Variants in SORCS2 observed in about 807,000 individuals in gnomAD.
The protein encoded by SORCS2 is VPS10 domain-containing receptor SorCS2.
A neutral mutation model predicts 141.6 loss-of-function variants in SORCS2; 100 were observed. That is an observed-to-expected ratio of 0.71 (90% CI 0.60 to 0.83). The LOEUF (loss-of-function observed/expected upper bound fraction) is 0.83, where lower values mean the gene tolerates loss of function less well. Among genes scored for constraint, SORCS2 ranks in the 40% least tolerant of loss-of-function variants. The probability of loss-of-function intolerance (pLI) is 0.00; values close to 1 mark genes in which losing one functional copy is unlikely to be tolerated. For missense variants in SORCS2, 1,646 were observed against 1,560.2 expected, an observed-to-expected ratio of 1.05 and a Z score of -0.93; for synonymous variants, 789 against 676.9, an observed-to-expected ratio of 1.17 and a Z score of -2.57.
intron 3 of SORCS2, among the ~76,000 whole-genome samples, chr4:7,543,499 C>A (rs1712875061): frequency 6.8e-6 from 1 of 147,408 alleles, no homozygotes; most frequent in African/African-American, 2.5e-5. Flanking sequence ...ATCCATCCAT[C>A]CATCCATCCA....
chr4:7,715,360 G>A (rs773905432), intron 17 of SORCS2, 49 bp downstream of exon 17: 3 of 1,603,416 alleles, frequency 1.9e-6, no homozygotes, highest in Non-Finnish European at 2.6e-6. Flanking sequence ...GGGCAGAGCT[G>A]TGGTGCAGCC....
rs527267458 is a variant in SORCS2 at position 7,262,437 on chromosome 4, C to T, written c.480+69311C>T. On this transcript the variant is annotated intron_variant, in intron 1 of 26. Transcript: ENST00000507866. The stretch of plus-strand genomic sequence containing the variant: ...ATCCATCCATCCATCCATCCATGGC[C>T]TATTCCTGTAGGCCACTGCTTAAGC... 1.7e-3 allele frequency among the ~76,000 whole-genome samples: 251 copies of T among 148,606 alleles called. 1 individual carries two copies. The highest frequency in any genetic ancestry group is 6.1e-3 in the African/African-American group (240 of 39,446).
At chr4:7,316,892 T>A (rs2108934838) in intron 1 of SORCS2, among the ~76,000 whole-genome samples, 1 of 151,858 alleles carries the variant, frequency 6.6e-6, no homozygotes, top group African/African-American at 2.4e-5. Context: ...AGCTCCTGAG[T>A]TTTTGAGTGA....
At chr4:7,377,725 A>G (rs1722749296) in intron 1 of SORCS2, among the ~76,000 whole-genome samples, 1 of 152,180 alleles carries the variant, frequency 6.6e-6, no homozygotes, top group Admixed American at 6.5e-5. Context: ...ATTTAGCTCA[A>G]TCAGCTCAGG....
intron 3 of SORCS2, among the ~76,000 whole-genome samples, chr4:7,629,760 C>T (rs1468919382): frequency 2.0e-5 from 3 of 152,046 alleles, no homozygotes; most frequent in East Asian, 1.9e-4. Context: ...TATATCAAAC[C>T]CCACCCTCCC....
At chr4:7,318,014 T>C (rs1483644792) in intron 1 of SORCS2, among the ~76,000 whole-genome samples, 1 of 152,190 alleles carries the variant, frequency 6.6e-6, no homozygotes, top group Non-Finnish European at 1.5e-5. Context: ...TTCATACAAC[T>C]GTCCAGCCTG....
At chr4:7,704,370 C>T (rs1217874980) in intron 14 of SORCS2, 86 bp downstream of exon 14, 26 of 1,212,556 alleles carry the variant, frequency 2.1e-5, no homozygotes, top group Non-Finnish European at 2.4e-5. Context: ...CTTCACCCCC[C>T]AGCCACCTGG....
chr4:7,698,235 C>T (rs1724834805), intron 12 of SORCS2, among the ~76,000 whole-genome samples: 1 of 152,184 alleles, frequency 6.6e-6, no homozygotes, highest in Non-Finnish European at 1.5e-5. Context: ...ATCAAACTTA[C>T]ATATGGCTAT....
At chr4:7,548,502 G>A (rs995221241) in intron 3 of SORCS2, among the ~76,000 whole-genome samples, 1 of 152,200 alleles carries the variant, frequency 6.6e-6, no homozygotes, top group African/African-American at 2.4e-5. Context: ...TGTCAGGGGG[G>A]TTGGTGGCAT....
chr4:7,477,359 GGGCTGACCGT>G (rs551040491), intron 2 of SORCS2, among the ~76,000 whole-genome samples: 116,292 of 137,886 alleles, frequency 0.84, 49,698 homozygotes, highest in South Asian at 0.95. Context: ...CAGCTGACTG[GGGCTGACCGT>G]GGCTGACCGT....
At chr4:7,194,161 G>C (rs567964901) in intron 1 of SORCS2, among the ~76,000 whole-genome samples, 151 of 152,226 alleles carry the variant, frequency 9.9e-4, no homozygotes, top group African/African-American at 3.5e-3. Context: ...CATTTGTATG[G>C]GGAGGGGAGA....
At position 7,683,107 on chromosome 4, in the gene SORCS2, C is replaced by A. The variant is rs544079902; in HGVS notation, c.1488+218C>A. Among the ~76,000 whole-genome samples the A allele has an allele frequency of 5.3e-5, 8 of 152,346 alleles. 1 individual carries two copies. The South Asian group carries it at 1.7e-3, about 32-fold the overall frequency. ...GAGAGGGAAGTATATCAGTTTTTGA[C>A]ACAGAATTGCTGTGCAATAAACCAC... On this transcript the variant is annotated intron_variant, in intron 10 of 26. Coordinates refer to ENST00000507866, the MANE Select transcript of SORCS2 (RefSeq NM_020777.3).
chr4:7,390,687 A>G (rs926151202), intron 1 of SORCS2, among the ~76,000 whole-genome samples: 7 of 152,182 alleles, frequency 4.6e-5, no homozygotes, highest in Non-Finnish European at 1.0e-4. Flanking sequence ...CTTCCCTTGG[A>G]TGGTGAATGG....
chr4:7,644,005 A>G (rs1189546231), intron 4 of SORCS2, among the ~76,000 whole-genome samples: 3 of 152,216 alleles, frequency 2.0e-5, no homozygotes, highest in Non-Finnish European at 4.4e-5. Context: ...AAGAATTTTC[A>G]TCTGCTGGGG....
chr4:7,560,893 C>A (rs1413486306), intron 3 of SORCS2, among the ~76,000 whole-genome samples: 1 of 152,118 alleles, frequency 6.6e-6, no homozygotes, highest in Non-Finnish European at 1.5e-5. Context: ...GCAAATGTAG[C>A]CTTGGGAGGT....
intron 2 of SORCS2, among the ~76,000 whole-genome samples, chr4:7,402,805 A>C (rs1028844415): frequency 6.6e-6 from 1 of 151,546 alleles, no homozygotes; most frequent in Non-Finnish European, 1.5e-5. Flanking sequence ...TCTCCCTCAT[A>C]CCTGGTAAGA....
intron 1 of SORCS2, among the ~76,000 whole-genome samples, chr4:7,369,471 C>G (rs1312135753): frequency 1.3e-5 from 2 of 152,208 alleles, no homozygotes; most frequent in African/African-American, 4.8e-5. Context: ...TGCAGCAGCC[C>G]CATTGCATGG....
At chr4:7,270,129 CCTTGGCCTCCCAA>C (rs1452122653) in intron 1 of SORCS2, among the ~76,000 whole-genome samples, 1 of 152,254 alleles carries the variant, frequency 6.6e-6, no homozygotes, top group Non-Finnish European at 1.5e-5. Context: ...GATCCTCCCG[CCTTGGCCTCCCAA>C]AGTGCTGGGA....
intron 3 of SORCS2, among the ~76,000 whole-genome samples, chr4:7,575,983 C>A (rs1560398793): frequency 6.6e-6 from 1 of 152,148 alleles, no homozygotes; most frequent in Non-Finnish European, 1.5e-5. Context: ...TCGGTTGATT[C>A]TTGAATTGAT....
Sources: allele counts gnomAD v4.1 joint callset (sites outside exome capture counted in the v4.1 genomes callset), GRCh38; gene constraint gnomAD v4.1.1; transcripts MANE v1.5; gene names NCBI Gene and HGNC (gene_info 2026-07-23, HGNC 2026-07-21).